The following RBM20 variants were observed in gnomAD, a reference collection of about 807,000 sequenced individuals.
RBM20 encodes RNA-binding protein 20.
A neutral mutation model predicts 110.1 loss-of-function variants in RBM20; 51 were observed. The ratio of observed to expected loss-of-function variants is 0.46; its 90% CI spans 0.37 to 0.59. The LOEUF is 0.59. RBM20 is among the 20% of genes least tolerant of loss of function. RBM20 has a pLI of 0.00. For synonymous variants in RBM20, 589 were observed against 618.2 expected (o/e 0.95, Z 0.70); for missense variants, 1,512 against 1,574.9 (o/e 0.96, Z 0.68).
At chr10:110,761,855 T>C (rs1844009272) in intron 1 of RBM20, among the ~76,000 whole-genome samples, 1 of 152,244 alleles carries the variant, frequency 6.6e-6, no homozygotes, top group South Asian at 2.1e-4. Flanking sequence ...AGGTGTGCCA[T>C]GTGCTTCTCC....
intron 1 of RBM20, among the ~76,000 whole-genome samples, chr10:110,770,093 T>G (rs1198751933): frequency 6.6e-6 from 1 of 152,186 alleles, no homozygotes; most frequent in Non-Finnish European, 1.5e-5. Context: ...AGGTGCAGCA[T>G]CAGCCTCACC....
chr10:110,783,497 TCA>T, intron 3 of RBM20, 70 bp downstream of exon 3: 1 of 1,255,704 alleles, frequency 8.0e-7, no homozygotes, highest in Non-Finnish European at 1.1e-6. Flanking sequence ...TTACTGTGTG[TCA>T]CACGCTGTTT....
At chr10:110,721,524 G>C (rs556578213) in intron 1 of RBM20, among the ~76,000 whole-genome samples, 5 of 152,036 alleles carry the variant, frequency 3.3e-5, no homozygotes, top group African/African-American at 9.7e-5. Flanking sequence ...TCCATGTTTG[G>C]GTCTGTCCAG....
intron 5 of RBM20, among the ~76,000 whole-genome samples, chr10:110,786,236 T>C (rs1446966101): frequency 6.6e-6 from 1 of 152,238 alleles, no homozygotes; most frequent in African/African-American, 2.4e-5. Context: ...CACCTGTTTG[T>C]GTGCCTTAGC....
chr10:110,727,668 T>A, intron 1 of RBM20, among the ~76,000 whole-genome samples: 1 of 152,222 alleles, frequency 6.6e-6, no homozygotes, highest in Admixed American at 6.5e-5. Flanking sequence ...GGTTCTGGGA[T>A]ACATGTGCTG....
chr10:110,713,656 C>G (rs1391936804), intron 1 of RBM20, among the ~76,000 whole-genome samples: 1 of 152,150 alleles, frequency 6.6e-6, no homozygotes, highest in Non-Finnish European at 1.5e-5. Context: ...TTCTACTCAG[C>G]ATTTGTACAG....
chr10:110,767,777 C>G (rs1212146351), intron 1 of RBM20, among the ~76,000 whole-genome samples: 3 of 151,926 alleles, frequency 2.0e-5, no homozygotes, highest in East Asian at 3.9e-4. Flanking sequence ...GGATGGCAGC[C>G]GAGAAGAGGC....
intron 1 of RBM20, among the ~76,000 whole-genome samples, chr10:110,758,532 C>G (rs1013035557): frequency 1.3e-5 from 2 of 152,162 alleles, no homozygotes; most frequent in African/African-American, 4.8e-5. Flanking sequence ...ATGGTTCACT[C>G]TCTGTGAGGT....
rs186130619 is a variant in RBM20 at position 110,702,528 on chromosome 10, C to T, written c.191+57883C>T. Among the ~76,000 whole-genome samples the T allele has an allele frequency of 3.5e-4, 53 of 152,290 alleles. No homozygotes were observed. In the East Asian group the frequency reaches 6.8e-3, roughly 19 times the overall value. ...TGCAGCCCGGGGCGACACAATGAGG[C>T]CCTGTCTCTAAAAAATACATAAATG... On this transcript the variant is annotated intron_variant, in intron 1 of 13. Coordinates refer to ENST00000369519, the MANE Select transcript of RBM20 (RefSeq NM_001134363.3).
Position 110,781,842 on chromosome 10 carries a change from G to A in RBM20, c.1233G>A (p.Pro411=), listed in dbSNP as rs778898785. The A allele has an allele frequency of 5.2e-6, 8 of 1,551,602 alleles. No individual in the cohort carries two copies. The highest frequency in any genetic ancestry group is 2.7e-5 in the African/African-American group (2 of 73,046). ...DFHGVAPLHL[P]HICSICDKKV... ...ACGGTGTGGCCCCCCTCCACTTGCC[G>A]CATATCTGTAGCATCTGTGACAAGA... Residue 411 remains proline (P), a synonymous_variant, in exon 2 of 14, where the codon CCG becomes CCA. Transcript: ENST00000369519.
intron 1 of RBM20, among the ~76,000 whole-genome samples, chr10:110,706,486 G>A (rs144258691): frequency 7.9e-5 from 12 of 152,300 alleles, no homozygotes; most frequent in African/African-American, 2.2e-4. Flanking sequence ...TCTGATATCC[G>A]CCAGGAAATG....
At chr10:110,823,880 G>A (rs1038957912) in intron 12 of RBM20, among the ~76,000 whole-genome samples, 5 of 128,072 alleles carry the variant, frequency 3.9e-5, no homozygotes, top group African/African-American at 1.4e-4. Flanking sequence ...ACCAGGCCCG[G>A]CTAATTTTTT....
At chr10:110,695,188 T>A (rs1196740635) in intron 1 of RBM20, among the ~76,000 whole-genome samples, 1 of 152,196 alleles carries the variant, frequency 6.6e-6, no homozygotes, top group African/African-American at 2.4e-5. Context: ...CAAAGACCCC[T>A]GCAGTTTAAC....
chr10:110,758,014 C>CTTTTTTTTT lies in RBM20; in HGVS notation c.192-22771_192-22763dup, dbSNP rs760246427. 4.9e-3 allele frequency among the ~76,000 whole-genome samples: 389 copies of CTTTTTTTTT among 79,898 alleles called. 56 individuals are homozygous for CTTTTTTTTT. The highest frequency in any genetic ancestry group is 7.7e-3 in the South Asian group (14 of 1,810). The allele number at this position is 79,898 out of a possible 152,430, so 52.4% of individuals were successfully genotyped here. On this transcript the variant is annotated intron_variant, in intron 1 of 13. Coordinates refer to ENST00000369519, the MANE Select transcript of RBM20 (RefSeq NM_001134363.3). ...AGAAAAGACAGGCAAGATCCTTGTT[C>CTTTTTTTTT]TTTTTTTTTTTTTTTTTTTTTTTTG... is the stretch of plus-strand genomic sequence containing the variant.
chr10:110,735,387 G>C (rs1417349012), intron 1 of RBM20, among the ~76,000 whole-genome samples: 1 of 152,122 alleles, frequency 6.6e-6, no homozygotes, highest in Non-Finnish European at 1.5e-5. Flanking sequence ...ATACTGTCTA[G>C]CCACCATACT....
chr10:110,792,141 GTCTA>G (rs55998629), intron 5 of RBM20, among the ~76,000 whole-genome samples: 53,587 of 147,322 alleles, frequency 0.36, 9,630 homozygotes, highest in African/African-American at 0.41. Flanking sequence ...TCCTCTATCT[GTCTA>G]TCTATCTATC....
intron 1 of RBM20, among the ~76,000 whole-genome samples, chr10:110,771,061 C>T (rs935230824): frequency 2.0e-5 from 3 of 152,218 alleles, no homozygotes; most frequent in Admixed American, 6.5e-5. Flanking sequence ...ACACAGGGAA[C>T]ATTAAGCCAA....
chr10:110,832,903 T>C (rs72836952), intron 13 of RBM20, among the ~76,000 whole-genome samples: 33,799 of 152,128 alleles, frequency 0.22, 4,493 homozygotes, highest in Non-Finnish European at 0.3. Flanking sequence ...AGGCCTGACT[T>C]GGCCAGAGCA....
chr10:110,670,820 A>T (rs10885011), intron 1 of RBM20, among the ~76,000 whole-genome samples: 56,324 of 152,070 alleles, frequency 0.37, 12,527 homozygotes, highest in East Asian at 0.65. Context: ...TGAAAGAAAA[A>T]ATATTAGCAG....
Sources: allele counts gnomAD v4.1 joint callset (sites outside exome capture counted in the v4.1 genomes callset), GRCh38; gene constraint gnomAD v4.1.1; transcripts MANE v1.5; gene names NCBI Gene and HGNC (gene_info 2026-07-23, HGNC 2026-07-21).